SNX7: variants seen among roughly 807,000 people sequenced by gnomAD.
The protein encoded by SNX7 is sorting nexin 7, also known as sorting nexin-7.
A neutral mutation model predicts 48.4 loss-of-function variants in SNX7; 35 were observed. The observed-to-expected ratio is 0.72, with a 90% CI of 0.55 to 0.96. The LOEUF (loss-of-function observed/expected upper bound fraction) is 0.96, where lower values mean the gene tolerates loss of function less well. Among genes scored for constraint, SNX7 ranks in the 40% least tolerant of loss-of-function variants. SNX7 has a pLI of 0.00. For synonymous variants in SNX7, 190 were observed against 190.2 expected (o/e 1.00, Z 0.01); for missense variants, 553 against 548.9 (o/e 1.01, Z -0.07).
intron 7 of SNX7, among the ~76,000 whole-genome samples, chr1:98,714,871 G>A (rs939984601): frequency 3.3e-5 from 5 of 152,120 alleles, no homozygotes; most frequent in Non-Finnish European, 5.9e-5. Flanking sequence ...GGTTTCAAGT[G>A]GGGAAGAGTT....
At chr1:98,747,284 A>C (rs552929696) in intron 8 of SNX7, among the ~76,000 whole-genome samples, 104 of 152,254 alleles carry the variant, frequency 6.8e-4, no homozygotes, top group African/African-American at 2.2e-3. Flanking sequence ...AATAGTGTTG[A>C]TCTCTAATGC....
rs776001851 is a variant in SNX7, at chr1:98,695,639, A to G, written c.761A>G (p.Asn254Ser). ...CGCCCAGAGGAGTTCATGGAAATGA[A>G]TAACTTTATTGAACTATTTAGCCAG... ...KNRPEEFMEM[N>S]NFIELFSQKI... The change falls in exon 5 of 9, where the codon AAT becomes AGT. Residue 254 changes from asparagine (N) to serine (S), a missense_variant. Asn to Ser is a conservative substitution (Grantham distance 46). Transcript: ENST00000306121. 6.2e-7 allele frequency: 1 copy of G among 1,612,408 alleles called. No individual in the cohort carries two copies. The highest frequency in any genetic ancestry group is 8.5e-7 in the Non-Finnish European group (1 of 1,178,422).
At chr1:98,664,074 C>T (rs566907446) in intron 1 of SNX7, among the ~76,000 whole-genome samples, 1 of 152,320 alleles carries the variant, frequency 6.6e-6, no homozygotes, top group East Asian at 1.9e-4. Context: ...ATAAAACAAA[C>T]ACCACTGCTG....
chr1:98,737,239 T>G (rs2101033176), intron 7 of SNX7, among the ~76,000 whole-genome samples: 1 of 152,232 alleles, frequency 6.6e-6, no homozygotes, highest in South Asian at 2.1e-4. Context: ...CTTCAGATAT[T>G]TATTCAAGTC....
chr1:98,669,680 G>A (rs915102012), intron 1 of SNX7, among the ~76,000 whole-genome samples: 1 of 152,220 alleles, frequency 6.6e-6, no homozygotes, highest in African/African-American at 2.4e-5. Context: ...TGGTCCACTT[G>A]CCACTATGTG....
intron 7 of SNX7, among the ~76,000 whole-genome samples, chr1:98,718,387 A>G (rs1652696674): frequency 6.6e-6 from 1 of 152,102 alleles, no homozygotes; most frequent in African/African-American, 2.4e-5. Flanking sequence ...AAAGGAACTC[A>G]GAGTCTCCAT....
chr1:98,711,341 G>A (rs186955786), intron 7 of SNX7, among the ~76,000 whole-genome samples: 237 of 152,206 alleles, frequency 1.6e-3, no homozygotes, highest in Non-Finnish European at 2.9e-3. Context: ...ATCAAAAATT[G>A]TATTCCCACC....
At chr1:98,741,597 C>T (rs543082613) in intron 8 of SNX7, among the ~76,000 whole-genome samples, 28 of 151,906 alleles carry the variant, frequency 1.8e-4, no homozygotes, top group Admixed American at 5.9e-4. Context: ...AAATGAATAA[C>T]GAAACAATAA....
chr1:98,708,226 A>G (rs1358399374), intron 7 of SNX7, among the ~76,000 whole-genome samples: 2 of 152,160 alleles, frequency 1.3e-5, no homozygotes, highest in African/African-American at 4.8e-5. Flanking sequence ...ATCCATCCAC[A>G]CATGTATACA....
At chr1:98,664,889 A>G (rs1649457182) in intron 1 of SNX7, among the ~76,000 whole-genome samples, 1 of 152,194 alleles carries the variant, frequency 6.6e-6, no homozygotes, top group African/African-American at 2.4e-5. Context: ...AAAATAAAAA[A>G]GATACACAAA....
intron 1 of SNX7, among the ~76,000 whole-genome samples, chr1:98,669,557 C>A (rs1649733869): frequency 1.3e-5 from 2 of 152,202 alleles, no homozygotes; most frequent in African/African-American, 4.8e-5. Flanking sequence ...TGTTACATCA[C>A]CTGGGAGCTG....
chr1:98,717,551 T>A (rs1229230038), intron 7 of SNX7, among the ~76,000 whole-genome samples: 1 of 152,164 alleles, frequency 6.6e-6, no homozygotes, highest in Non-Finnish European at 1.5e-5. Flanking sequence ...CAGAAAATAC[T>A]TACCAACATG....
intron 4 of SNX7, among the ~76,000 whole-genome samples, chr1:98,694,439 C>T (rs920276834): frequency 3.3e-5 from 5 of 151,652 alleles, no homozygotes; most frequent in Admixed American, 2.0e-4. Flanking sequence ...ACTGTTTACC[C>T]ACTTCATTTG....
chr1:98,727,384 T>G (rs1215477434), intron 7 of SNX7, among the ~76,000 whole-genome samples: 1 of 151,838 alleles, frequency 6.6e-6, no homozygotes, highest in Admixed American at 6.6e-5. Flanking sequence ...CCTCAAAGAT[T>G]AAAGGTAGAT....
At chr1:98,667,044 A>T (rs1239568395) in intron 1 of SNX7, among the ~76,000 whole-genome samples, 1 of 152,182 alleles carries the variant, frequency 6.6e-6, no homozygotes, top group Non-Finnish European at 1.5e-5. Context: ...TTGAGCCCTC[A>T]TGTATAATGG....
intron 1 of SNX7, among the ~76,000 whole-genome samples, chr1:98,670,275 T>A (rs996798658): frequency 2.0e-5 from 3 of 152,216 alleles, no homozygotes; most frequent in African/African-American, 7.2e-5. Context: ...AACATTCTTT[T>A]ACTTGAAAAA....
chr1:98,662,059 C>T (rs1649260709), intron 1 of SNX7, 148 bp downstream of exon 1: 1 of 897,524 alleles, frequency 1.1e-6, no homozygotes, highest in South Asian at 5.9e-5. Context: ...GGCTGCTGGA[C>T]CCCGCCTGCC....
At chr1:98,745,770 G>C (rs1654281800) in intron 8 of SNX7, among the ~76,000 whole-genome samples, 1 of 152,026 alleles carries the variant, frequency 6.6e-6, no homozygotes, top group African/African-American at 2.4e-5. Flanking sequence ...AATGCATTAA[G>C]AAATTCAGGT....
intron 6 of SNX7, 90 bp downstream of exon 6, chr1:98,698,995 T>A: frequency 8.1e-7 from 1 of 1,238,178 alleles, no homozygotes; most frequent in Non-Finnish European, 1.2e-6. Flanking sequence ...TTAAAACCAC[T>A]ATCTTTTTGT....
Sources: allele counts gnomAD v4.1 joint callset (sites outside exome capture counted in the v4.1 genomes callset), GRCh38; gene constraint gnomAD v4.1.1; transcripts MANE v1.5; gene names NCBI Gene and HGNC (gene_info 2026-07-23, HGNC 2026-07-21).